The following SLC25A12 variants were observed in gnomAD, a reference collection of about 807,000 sequenced individuals.
SLC25A12 encodes the protein electrogenic aspartate/glutamate antiporter SLC25A12, mitochondrial.
Under a neutral mutation model 83.3 loss-of-function variants are expected in SLC25A12, and 32 were observed. The observed-to-expected ratio is 0.38, with a 90% confidence interval of 0.29 to 0.52. SLC25A12 has a LOEUF of 0.52. SLC25A12 is among the 20% of genes least tolerant of loss of function. The pLI, the probability that SLC25A12 is intolerant of heterozygous loss-of-function variation, is 0.84. For missense variants in SLC25A12, 611 were observed against 835.6 expected (o/e 0.73, Z 3.31); for synonymous variants, 267 against 291.1 (o/e 0.92, Z 0.84).
At chr2:171,826,252 T>C (rs1304553061) in intron 9 of SLC25A12, among the ~76,000 whole-genome samples, 2 of 152,240 alleles carry the variant, frequency 1.3e-5, no homozygotes, top group African/African-American at 4.8e-5. Context: ...TTTGAACTCT[T>C]ATTTTCCTTA....
Position 171,844,329 on chromosome 2 carries a change from A to G in SLC25A12, c.465+40T>C, listed in dbSNP as rs567115669. The G allele has an allele frequency of 1.4e-5, 23 of 1,595,660 alleles. No individual in the cohort carries two copies. The East Asian group carries it at 4.9e-4, about 34-fold the overall frequency. ...AAATACAAAGCGAAGGACACAGAAG[A>G]ATAGTATATATTGATACCTGTTATG... On this transcript the variant is annotated intron_variant, in intron 5 of 17. Transcript: ENST00000422440.
chr2:171,831,779 G>A (rs1684436759), intron 8 of SLC25A12, among the ~76,000 whole-genome samples: 1 of 151,984 alleles, frequency 6.6e-6, no homozygotes, highest in South Asian at 2.1e-4. Context: ...CGCACCTGTA[G>A]TCCCAGCTAC....
At chr2:171,871,491 T>A (rs1209946922) in intron 2 of SLC25A12, among the ~76,000 whole-genome samples, 1 of 152,130 alleles carries the variant, frequency 6.6e-6, no homozygotes, top group Non-Finnish European at 1.5e-5. Flanking sequence ...ATCACTTGAA[T>A]TTGTATTTTT....
At chr2:171,859,535 T>C (rs1685109097) in intron 3 of SLC25A12, among the ~76,000 whole-genome samples, 1 of 152,204 alleles carries the variant, frequency 6.6e-6, no homozygotes, top group Non-Finnish European at 1.5e-5. Flanking sequence ...TGACATATGC[T>C]GTAATATAGA....
chr2:171,838,461 A>G (rs1283767912), intron 5 of SLC25A12, among the ~76,000 whole-genome samples: 1 of 98,352 alleles, frequency 1.0e-5, no homozygotes, highest in Non-Finnish European at 2.0e-5. Context: ...AAAAGTAGAC[A>G]CAGGTTCACT....
intron 2 of SLC25A12, among the ~76,000 whole-genome samples, chr2:171,892,365 A>G (rs1685960201): frequency 1.3e-5 from 2 of 151,982 alleles, no homozygotes; most frequent in South Asian, 4.1e-4. Context: ...AGCTGGGACT[A>G]CAGGCGCCCA....
chr2:171,866,572 C>T, intron 3 of SLC25A12, among the ~76,000 whole-genome samples: 1 of 129,826 alleles, frequency 7.7e-6, no homozygotes, highest in Admixed American at 7.6e-5. Context: ...AACCGGGCGG[C>T]TGGCCGGGCG....
chr2:171,831,775 T>C (rs1286393961), intron 8 of SLC25A12, among the ~76,000 whole-genome samples: 1 of 152,114 alleles, frequency 6.6e-6, no homozygotes. Context: ...GGTACGCACC[T>C]GTAGTCCCAG....
intron 14 of SLC25A12, among the ~76,000 whole-genome samples, chr2:171,792,882 T>C (rs1032008679): frequency 1.3e-5 from 2 of 152,196 alleles, no homozygotes; most frequent in African/African-American, 2.4e-5. Flanking sequence ...AATTTACACA[T>C]TTCTGCAGTG....
At chr2:171,864,390 G>A (rs1283783983) in intron 3 of SLC25A12, among the ~76,000 whole-genome samples, 1 of 152,120 alleles carries the variant, frequency 6.6e-6, no homozygotes, top group African/African-American at 2.4e-5. Context: ...TCTCCCCTGA[G>A]TTGAGTAAAC....
In SLC25A12 at chr2:171,855,833, C is replaced by A; in HGVS notation, c.325+1G>T. Reference sequence around the variant, plus strand: ...CACTTATAATCTTCTTTTTCCCTTACCAAATGTCACCTCTCCATTTCCACT... The same window carrying A: ...CACTTATAATCTTCTTTTTCCCTTAACAAATGTCACCTCTCCATTTCCACT... On this transcript the variant is annotated splice_donor_variant, in intron 4 of 17. Transcript: ENST00000422440. LOFTEE classifies it high-confidence loss of function. The A allele has an allele frequency of 1.3e-6, 2 of 1,554,630 alleles. No individual in the cohort carries two copies. The highest frequency in any genetic ancestry group is 1.8e-6 in the Non-Finnish European group (2 of 1,125,754).
rs962763016 is a variant in SLC25A12, at chr2:171,788,161, TA to T, written c.1586-215del. On this transcript the variant is annotated intron_variant, in intron 15 of 17. Transcript: ENST00000422440. ...AAATTATTATTATTTTTTCCTGAAT[TA>T]AAAAAAAAATCACTCTACATTGCAT... 4,369 of 495,040 alleles carry T rather than the reference TA, an allele frequency of 8.8e-3. 3 individuals are homozygous for T. Among genetic ancestry groups the T allele is most frequent in the Middle Eastern group, 0.015 (26 of 1,778 alleles). The allele number at this position is 495,040 out of a possible 1,614,324, so 30.7% of individuals were successfully genotyped here.
chr2:171,877,702 C>T (rs1201703845), intron 2 of SLC25A12, among the ~76,000 whole-genome samples: 2 of 149,684 alleles, frequency 1.3e-5, no homozygotes, highest in South Asian at 2.1e-4. Flanking sequence ...ATGTATGCAA[C>T]CTATATTATT....
intron 9 of SLC25A12, among the ~76,000 whole-genome samples, chr2:171,819,394 A>ATAT (rs1243784745): frequency 2.5e-5 from 2 of 81,532 alleles, no homozygotes; most frequent in Admixed American, 1.5e-4. Flanking sequence ...AATATATATT[A>ATAT]TATAATTATA....
intron 4 of SLC25A12, among the ~76,000 whole-genome samples, chr2:171,849,610 G>A (rs1033335395): frequency 5.4e-5 from 8 of 147,874 alleles, no homozygotes; most frequent in African/African-American, 2.0e-4. Flanking sequence ...GCCCAGGCTG[G>A]AGTGGTGCAG....
At chr2:171,787,435 C>T in intron 17 of SLC25A12, 136 bp downstream of exon 17, 1 of 793,340 alleles carries the variant, frequency 1.3e-6, no homozygotes, top group Admixed American at 1.8e-5. Flanking sequence ...CTTAAGCTCA[C>T]TGTTTTAAAT....
At chr2:171,839,907 A>T (rs139651221) in intron 5 of SLC25A12, among the ~76,000 whole-genome samples, 88 of 152,282 alleles carry the variant, frequency 5.8e-4, no homozygotes, top group African/African-American at 2.0e-3. Context: ...CCTTACTCCA[A>T]ATAAGGCCTC....
chr2:171,839,637 G>T (rs541225973), intron 5 of SLC25A12, among the ~76,000 whole-genome samples: 1 of 152,154 alleles, frequency 6.6e-6, no homozygotes, highest in Non-Finnish European at 1.5e-5. Flanking sequence ...AAACAGAAAC[G>T]CAAGGACAAA....
intron 9 of SLC25A12, among the ~76,000 whole-genome samples, chr2:171,818,707 G>C (rs1378444147): frequency 6.6e-6 from 1 of 151,976 alleles, no homozygotes; most frequent in Non-Finnish European, 1.5e-5. Flanking sequence ...GGGAGGTTGA[G>C]GCTGCAGTGA....
Sources: gnomAD v4.1 joint callset for allele counts (sites outside exome capture counted in the v4.1 genomes callset) on GRCh38, gnomAD v4.1.1 for gene constraint, MANE v1.5 for transcripts, NCBI Gene and HGNC (gene_info 2026-07-23, HGNC 2026-07-21) for gene names.